Variants in ERC1 observed in about 807,000 individuals in gnomAD.
ERC1 encodes RAB6 interacting protein 2.
Under a neutral mutation model 132.0 loss-of-function variants are expected in ERC1, and 56 were observed. The observed-to-expected ratio is 0.42, with a 90% CI of 0.34 to 0.53. The LOEUF (loss-of-function observed/expected upper bound fraction) is 0.53. ERC1 is among the 20% of genes least tolerant of loss of function. The probability of loss-of-function intolerance (pLI) is 0.03; values close to 1 mark genes in which losing one functional copy is unlikely to be tolerated. For missense variants in ERC1, 1,202 were observed against 1,349.9 expected, an observed-to-expected ratio of 0.89 and a Z score of 1.72; for synonymous variants, 478 against 476.1, an observed-to-expected ratio of 1.00 and a Z score of -0.05.
chr12:1,472,759 T>C (rs1356596208), intron 18 of ERC1, among the ~76,000 whole-genome samples: 1 of 152,018 alleles, frequency 6.6e-6, no homozygotes, highest in Non-Finnish European at 1.5e-5. Context: ...CCCTAAGGCA[T>C]ATGGCTAGCA....
intron 1 of ERC1, among the ~76,000 whole-genome samples, chr12:998,656 T>C: frequency 6.6e-6 from 1 of 152,174 alleles, no homozygotes; most frequent in East Asian, 1.9e-4. Flanking sequence ...CTAGGTCCAG[T>C]GCACTCAAGG....
chr12:1,272,966 A>AG, intron 14 of ERC1, among the ~76,000 whole-genome samples: 1 of 151,862 alleles, frequency 6.6e-6, no homozygotes, highest in Non-Finnish European at 1.5e-5. Context: ...AAAAAAAAAA[A>AG]AAAAAACCTT....
chr12:1,001,522 A>C (rs962367816), intron 1 of ERC1, among the ~76,000 whole-genome samples: 9 of 152,282 alleles, frequency 5.9e-5, no homozygotes, highest in African/African-American at 1.7e-4. Context: ...ATCACAACCC[A>C]GTCCTTCTCT....
chr12:1,408,349 A>T, intron 17 of ERC1, 102 bp downstream of exon 17: 1 of 706,666 alleles, frequency 1.4e-6, no homozygotes, highest in Non-Finnish European at 2.3e-6. Flanking sequence ...AGTTAGAAGA[A>T]TAAAAATAAA....
At chr12:1,363,255 G>A (rs150248582) in intron 15 of ERC1, among the ~76,000 whole-genome samples, 1 of 152,284 alleles carries the variant, frequency 6.6e-6, no homozygotes, top group East Asian at 1.9e-4. Context: ...TGAGAAGCAG[G>A]TAGAGGCTTT....
At chr12:1,311,479 CT>C (rs1480494434) in intron 15 of ERC1, among the ~76,000 whole-genome samples, 2 of 151,728 alleles carry the variant, frequency 1.3e-5, no homozygotes, top group Non-Finnish European at 2.9e-5. Flanking sequence ...TTTGATCTTT[CT>C]TATTTATAGG....
intron 1 of ERC1, among the ~76,000 whole-genome samples, chr12:1,000,248 A>G (rs1592594578): frequency 6.6e-6 from 1 of 152,062 alleles, no homozygotes; most frequent in South Asian, 2.1e-4. Flanking sequence ...ACTTTGGCAG[A>G]CTGAGGTGGG....
intron 14 of ERC1, among the ~76,000 whole-genome samples, chr12:1,265,068 CTCTT>C (rs2077393183): frequency 6.6e-6 from 1 of 152,320 alleles, no homozygotes; most frequent in Admixed American, 6.5e-5. Context: ...ACCTTGTCTA[CTCTT>C]TCTTCAAATA....
intron 15 of ERC1, among the ~76,000 whole-genome samples, chr12:1,347,618 T>C (rs77199332): frequency 0.012 from 1,838 of 152,334 alleles, 36 homozygotes; most frequent in African/African-American, 0.042. Context: ...AATTTTGTGA[T>C]TGATACCACT....
intron 8 of ERC1, among the ~76,000 whole-genome samples, chr12:1,174,796 T>A (rs1426420781): frequency 6.6e-6 from 1 of 152,236 alleles, no homozygotes; most frequent in Non-Finnish European, 1.5e-5. Flanking sequence ...GAAAGTCTAA[T>A]CAACAGCATG....
intron 13 of ERC1, chr12:1,245,025 T>A (rs2076075393): frequency 6.5e-6 from 1 of 152,692 alleles, no homozygotes; most frequent in South Asian, 2.1e-4. Flanking sequence ...CTGGCTTCAC[T>A]GTTCCAGGTA....
intron 14 of ERC1, among the ~76,000 whole-genome samples, chr12:1,266,020 C>T (rs151237322): frequency 8.5e-5 from 13 of 152,256 alleles, no homozygotes; most frequent in Admixed American, 3.3e-4. Context: ...CATTCACATG[C>T]AGACTTTGGT....
chr12:1,298,542 C>CAAAAAAAAAAAAAAAA (rs759796167), intron 15 of ERC1, among the ~76,000 whole-genome samples: 1 of 74,796 alleles, frequency 1.3e-5, no homozygotes, highest in South Asian at 4.1e-4. Context: ...GACTCTGTCA[C>CAAAAAAAAAAAAAAAA]AAAAAAAAAA....
intron 2 of ERC1, among the ~76,000 whole-genome samples, chr12:1,068,785 A>G (rs1035765021): frequency 3.3e-5 from 5 of 152,158 alleles, no homozygotes; most frequent in African/African-American, 4.8e-5. Context: ...TTTTTTTTCA[A>G]CAGGGAACTT....
At chr12:1,256,428 A>G (rs1414236078) in intron 13 of ERC1, among the ~76,000 whole-genome samples, 1 of 150,836 alleles carries the variant, frequency 6.6e-6, no homozygotes, top group African/African-American at 2.5e-5. Context: ...TAAAAAAAAA[A>G]AAAAAAAGTT....
At chr12:1,153,906 G>T (rs538638403) in intron 8 of ERC1, among the ~76,000 whole-genome samples, 41 of 152,010 alleles carry the variant, frequency 2.7e-4, no homozygotes, top group African/African-American at 9.4e-4. Context: ...AACTTTATTC[G>T]TTTGGAGTAG....
chr12:1,353,178 C>A (rs151223937), intron 15 of ERC1, among the ~76,000 whole-genome samples: 9,965 of 151,820 alleles, frequency 0.066, 594 homozygotes, highest in African/African-American at 0.15. Context: ...CTACAGGCGC[C>A]CGCCACCACA....
chr12:1,326,553 A>C (rs75220577), intron 15 of ERC1, among the ~76,000 whole-genome samples: 5,269 of 152,326 alleles, frequency 0.035, 98 homozygotes, highest in Middle Eastern at 0.075. Context: ...GAAAGACTAT[A>C]TGCAAGAAGA....
intron 6 of ERC1, among the ~76,000 whole-genome samples, chr12:1,113,453 T>C (rs1946108202): frequency 6.6e-6 from 1 of 152,200 alleles, no homozygotes; most frequent in Non-Finnish European, 1.5e-5. Context: ...GCTTACAAGT[T>C]CTTTACTGAC....
Sources: gnomAD v4.1 joint callset for allele counts (sites outside exome capture counted in the v4.1 genomes callset) on GRCh38, gnomAD v4.1.1 for gene constraint, MANE v1.5 for transcripts, NCBI Gene and HGNC (gene_info 2026-07-23, HGNC 2026-07-21) for gene names.